ZNF100: variants seen among roughly 807,000 people sequenced by gnomAD.
The protein encoded by ZNF100 is zinc finger protein 100 (Y1).
Under a neutral mutation model 15.8 loss-of-function variants are expected in ZNF100, and 12 were observed. The observed-to-expected ratio is 0.76, with a 90% CI of 0.49 to 1.23. ZNF100 has a LOEUF of 1.23. Among genes scored for constraint, ZNF100 ranks in the 50% most tolerant of loss-of-function variants. The pLI, the probability that ZNF100 is intolerant of heterozygous loss-of-function variation, is 0.00. For synonymous variants in ZNF100, 226 were observed against 214.8 expected (o/e 1.05, Z -0.45); for missense variants, 670 against 635.6 (o/e 1.05, Z -0.58).
intron 2 of ZNF100, among the ~76,000 whole-genome samples, chr19:21,746,582 T>C (rs561146069): frequency 3.1e-4 from 47 of 152,256 alleles, no homozygotes; most frequent in African/African-American, 1.1e-3. Context: ...AGATCATAAA[T>C]TCATGGTAGG....
Position 21,727,392 on chromosome 19 carries a change from T to A in ZNF100, c.920A>T (p.His307Leu). 6.2e-7 allele frequency: 1 copy of A among 1,613,034 alleles called. No individual in the cohort carries two copies. The part of the protein sequence containing the change: ...AFNRSSHLTT[H>L]KRIHTGVKPY... ...TTTCACTCCAGTATGAATTCTTTTA[T>A]GTGTAGTAAGGTGTGAAGACCGGTT... The change falls in exon 5 of 5, where the codon CAT (histidine) becomes CTT (leucine). Residue 307 changes from histidine (H) to leucine (L), a missense_variant. By Grantham distance (99) the His-to-Leu change is moderately conservative. Coordinates refer to ENST00000358296, the MANE Select transcript of ZNF100 (RefSeq NM_173531.4).
chr19:21,765,539 T>C (rs1283656801), intron 2 of ZNF100, among the ~76,000 whole-genome samples, 155 bp downstream of exon 2: 1 of 152,226 alleles, frequency 6.6e-6, no homozygotes, highest in African/African-American at 2.4e-5. Context: ...TATATTTATT[T>C]CACTATTTTT....
intron 4 of ZNF100, 111 bp downstream of exon 4, chr19:21,743,906 G>T: frequency 1.1e-6 from 1 of 894,000 alleles, no homozygotes; most frequent in Non-Finnish European, 1.5e-6. Context: ...AGGCATCCCA[G>T]AAACTATTTC....
intron 2 of ZNF100, among the ~76,000 whole-genome samples, chr19:21,764,589 A>AAG (rs915385435): frequency 3.3e-5 from 5 of 151,980 alleles, no homozygotes; most frequent in Non-Finnish European, 5.9e-5. Context: ...GCAGTGAGCC[A>AAG]AGATGGTGCC....
rs1190204471 is a variant in ZNF100, at chr19:21,724,526, CATAAAA to C, written c.*2151_*2156del. On this transcript the variant is annotated 3_prime_UTR_variant, in exon 5 of 5. Coordinates refer to ENST00000358296, the MANE Select transcript of ZNF100 (RefSeq NM_173531.4). ...ACTTCTACATAACTTTTATTATGAC[CATAAAA>C]ATAACACTGTAATCAATAACAATTT... The C allele has an allele frequency of 1.3e-5, 2 of 151,936 alleles. No homozygotes were observed. Among genetic ancestry groups the C allele is most frequent in the Non-Finnish European group, 2.9e-5 (2 of 67,968 alleles). The allele number at this position is 151,936 out of a possible 1,614,324, so 9.4% of individuals were successfully genotyped here.
intron 2 of ZNF100, among the ~76,000 whole-genome samples, chr19:21,746,393 G>A (rs2036212471): frequency 6.6e-6 from 1 of 152,148 alleles, no homozygotes; most frequent in Non-Finnish European, 1.5e-5. Context: ...GGTAATAAAT[G>A]CCATCCTATT....
rs565493584 is a variant in ZNF100 at position 21,727,426 on chromosome 19, T to C, written c.886A>G (p.Lys296Glu). Residue 296 changes from lysine (K) to glutamate (E), a missense_variant, in exon 5 of 5, where the codon AAA becomes GAA. Physicochemically the swap from Lys to Glu is moderately conservative, Grantham distance 56 (BLOSUM62 1). Transcript: ENST00000358296. ...EKPYRCEECG[K>E]AFNRSSHLTT... ...AGGTGTGAAGACCGGTTAAAAGCTT[T>C]CCCACATTCTTCACATCTGTATGGT... is the stretch of plus-strand genomic sequence containing the variant. 247 of 1,613,116 alleles carry C rather than the reference T, an allele frequency of 1.5e-4. 1 individual carries two copies. Among genetic ancestry groups the C allele is most frequent in the Admixed American group, 3.2e-4 (19 of 59,990 alleles).
chr19:21,754,549 T>C (rs2036362145), intron 2 of ZNF100, among the ~76,000 whole-genome samples: 1 of 152,072 alleles, frequency 6.6e-6, no homozygotes, highest in South Asian at 2.1e-4. Context: ...TGATCTTCTG[T>C]TAAGTAAATG....
chr19:21,751,392 A>G (rs1211250743), intron 2 of ZNF100: 1 of 826,250 alleles, frequency 1.2e-6, no homozygotes, highest in African/African-American at 1.7e-5. Flanking sequence ...TAGTTTAAGC[A>G]TGATCCTGAG....
intron 2 of ZNF100, among the ~76,000 whole-genome samples, chr19:21,745,517 CTTT>C (rs748619557): frequency 7.0e-5 from 10 of 142,658 alleles, no homozygotes; most frequent in East Asian, 2.0e-4. Context: ...GAATTTCTTT[CTTT>C]TTTTTTTTTT....
rs559892809 is a variant in ZNF100, at chr19:21,724,896, C to G, written c.*1787G>C. ...ATGAAACCCTGTCTCTACTAAAATA[C>G]AAAAATTAGCTGGGCATGGTGGTGG... On this transcript the variant is annotated 3_prime_UTR_variant, in exon 5 of 5. Transcript: ENST00000358296. 2.0e-5 allele frequency: 3 copies of G among 151,986 alleles called. No individual in the cohort carries two copies. Among genetic ancestry groups the G allele is most frequent in the Non-Finnish European group, 2.9e-5 (2 of 67,970 alleles). The allele number at this position is 151,986 out of a possible 1,614,324, so 9.4% of individuals were successfully genotyped here. A position where few individuals can be genotyped will look rare whatever the true frequency, so the allele number is the denominator to read the frequency against.
At chr19:21,740,276 A>G (rs147628952) in intron 4 of ZNF100, among the ~76,000 whole-genome samples, 1 of 152,252 alleles carries the variant, frequency 6.6e-6, no homozygotes, top group African/African-American at 2.4e-5. Flanking sequence ...AACACTGATA[A>G]AGTTGGATCA....
At chr19:21,751,006 T>C in intron 2 of ZNF100, 1 of 1,224,868 alleles carries the variant, frequency 8.2e-7, no homozygotes, top group East Asian at 2.3e-5. Context: ...CCAGTTGGAT[T>C]TCGCAGCGGG....
chr19:21,729,399 A>AAAATT lies in ZNF100; in HGVS notation c.323-1411_323-1410insAATTT, dbSNP rs1186114713. ...AAAATAACATGATTCAACAAAAACAACACAGTCAAATAAAAATACATTACT... is the reference window on the plus strand; with the variant it reads ...AAAATAACATGATTCAACAAAAACAAAAATTCACAGTCAAATAAAAATACATTACT... On this transcript the variant is annotated intron_variant, in intron 4 of 4. Transcript: ENST00000358296. 4.0e-5 allele frequency among the ~76,000 whole-genome samples: 6 copies of AAAATT among 151,234 alleles called. No homozygotes were observed. In the East Asian group the frequency reaches 9.8e-4, roughly 25 times the overall value.
chr19:21,764,432 A>T (rs2036528799), intron 2 of ZNF100, among the ~76,000 whole-genome samples: 1 of 152,118 alleles, frequency 6.6e-6, no homozygotes, highest in African/African-American at 2.4e-5. Flanking sequence ...TCGCGAGGTT[A>T]GGAGTTTGAG....
intron 2 of ZNF100, among the ~76,000 whole-genome samples, chr19:21,754,670 C>T (rs1258284835): frequency 6.6e-6 from 1 of 152,092 alleles, no homozygotes; most frequent in Non-Finnish European, 1.5e-5. Context: ...GGGTTAAACA[C>T]TTAAATGTTT....
At chr19:21,734,854 G>A (rs1264610681) in intron 4 of ZNF100, among the ~76,000 whole-genome samples, 11 of 152,052 alleles carry the variant, frequency 7.2e-5, no homozygotes, top group Admixed American at 7.2e-4. Flanking sequence ...AGTAAAAGTG[G>A]ACCTCTAAAA....
At chr19:21,756,932 C>T (rs969897670) in intron 2 of ZNF100, among the ~76,000 whole-genome samples, 4 of 152,274 alleles carry the variant, frequency 2.6e-5, no homozygotes, top group Admixed American at 2.0e-4. Context: ...AGAAATAATG[C>T]CACACACCTC....
intron 4 of ZNF100, among the ~76,000 whole-genome samples, chr19:21,741,100 C>T (rs1206047470): frequency 1.3e-5 from 2 of 152,002 alleles, no homozygotes; most frequent in Non-Finnish European, 2.9e-5. Flanking sequence ...AAAATCTTGT[C>T]AATTTTAAGA....
Sources: gnomAD v4.1 joint callset for allele counts (sites outside exome capture counted in the v4.1 genomes callset) on GRCh38, gnomAD v4.1.1 for gene constraint, MANE v1.5 for transcripts, NCBI Gene and HGNC (gene_info 2026-07-23, HGNC 2026-07-21) for gene names.